PLCB1: variants seen among roughly 807,000 people sequenced by gnomAD.
PLCB1 encodes phospholipase C beta 1.
In PLCB1, 46 loss-of-function variants were observed where a neutral mutation model predicts 161.8. The ratio of observed to expected loss-of-function variants is 0.28; its 90% CI spans 0.22 to 0.36. PLCB1 has a LOEUF of 0.36. Ranked by LOEUF, PLCB1 falls within the 10% of genes least tolerant of loss-of-function variation. The probability of loss-of-function intolerance (pLI) is 1.00; values close to 1 mark genes in which losing one functional copy is unlikely to be tolerated. For missense variants in PLCB1, 1,016 were observed against 1,472.5 expected (o/e 0.69, Z 5.07); for synonymous variants, 517 against 503.7 (o/e 1.03, Z -0.35).
At chr20:8,262,055 T>TTTTG (rs1049894513) in intron 2 of PLCB1, among the ~76,000 whole-genome samples, 34 of 152,018 alleles carry the variant, frequency 2.2e-4, no homozygotes, top group Non-Finnish European at 3.2e-4. Context: ...TTATGTGCGT[T>TTTTG]TTTGTTTGTT....
At chr20:8,378,330 C>A (rs1226799339) in intron 3 of PLCB1, among the ~76,000 whole-genome samples, 1 of 152,096 alleles carries the variant, frequency 6.6e-6, no homozygotes, top group African/African-American at 2.4e-5. Context: ...AGATTTGGTT[C>A]CGGAACAACA....
intron 3 of PLCB1, among the ~76,000 whole-genome samples, chr20:8,510,653 A>G (rs1359370315): frequency 6.6e-6 from 1 of 152,120 alleles, no homozygotes; most frequent in South Asian, 2.1e-4. Context: ...GGCCTCCCAA[A>G]GTGCTGGGAT....
At chr20:8,513,610 T>C (rs1983985672) in intron 3 of PLCB1, among the ~76,000 whole-genome samples, 1 of 152,194 alleles carries the variant, frequency 6.6e-6, no homozygotes, top group Non-Finnish European at 1.5e-5. Flanking sequence ...CCCCTGCCAG[T>C]TGCTATGAGA....
chr20:8,250,298 A>G (rs1000617657), intron 2 of PLCB1, among the ~76,000 whole-genome samples: 92 of 151,970 alleles, frequency 6.1e-4, no homozygotes, highest in African/African-American at 2.0e-3. Flanking sequence ...CCCATTTAAT[A>G]CTTTTCAATT....
intron 13 of PLCB1, among the ~76,000 whole-genome samples, chr20:8,717,210 G>C (rs1002328979): frequency 6.6e-6 from 1 of 152,104 alleles, no homozygotes; most frequent in Admixed American, 6.5e-5. Context: ...ACCAGGATGG[G>C]GATTTTGCTG....
chr20:8,800,438 G>GTC (rs1203604087), intron 31 of PLCB1, among the ~76,000 whole-genome samples: 1 of 140,250 alleles, frequency 7.1e-6, no homozygotes, highest in African/African-American at 2.7e-5. Context: ...ATTTTAAAGA[G>GTC]TCACACACAC....
chr20:8,760,991 C>T (rs1323633915), intron 25 of PLCB1, among the ~76,000 whole-genome samples: 2 of 152,100 alleles, frequency 1.3e-5, no homozygotes, highest in African/African-American at 4.8e-5. Flanking sequence ...GTTCAATATA[C>T]AACAGAAATG....
At chr20:8,285,442 G>C (rs1175451996) in intron 2 of PLCB1, among the ~76,000 whole-genome samples, 1 of 152,008 alleles carries the variant, frequency 6.6e-6, no homozygotes, top group African/African-American at 2.4e-5. Flanking sequence ...CTAGATTCTA[G>C]TATATTTTCA....
At chr20:8,450,180 T>C (rs916532827) in intron 3 of PLCB1, among the ~76,000 whole-genome samples, 10 of 152,220 alleles carry the variant, frequency 6.6e-5, no homozygotes, top group Admixed American at 3.3e-4. Context: ...AGTGCTCTGC[T>C]ATTAATTTCC....
rs1299839824 is a variant in PLCB1 at position 8,628,497 on chromosome 20, G to A, written c.384+66G>A. ...TGAATCCTTGAGCTATCATACTAAT[G>A]CCTGCAAAAGACTGAATTTTTGTCA... is the stretch of plus-strand genomic sequence containing the variant. On this transcript the variant is annotated intron_variant, in intron 4 of 31. Transcript: ENST00000338037. 4 of 1,510,222 alleles carry A rather than the reference G, an allele frequency of 2.6e-6. No homozygotes were observed. The African/African-American group carries it at 4.2e-5, about 16-fold the overall frequency. The allele number at this position is 1,510,222 out of a possible 1,614,324, so 93.6% of individuals were successfully genotyped here. A position where few individuals can be genotyped will look rare whatever the true frequency, so the allele number is the denominator to read the frequency against.
intron 2 of PLCB1, among the ~76,000 whole-genome samples, chr20:8,173,942 T>C (rs1212131208): frequency 1.3e-5 from 2 of 152,124 alleles, no homozygotes; most frequent in Non-Finnish European, 2.9e-5. Flanking sequence ...ATGTACTCAA[T>C]CTGAACAACA....
intron 2 of PLCB1, among the ~76,000 whole-genome samples, chr20:8,201,269 A>G (rs963231384): frequency 2.6e-5 from 4 of 152,074 alleles, no homozygotes; most frequent in African/African-American, 9.7e-5. Context: ...CCCTCCAGCA[A>G]TAGTATAAAA....
intron 3 of PLCB1, among the ~76,000 whole-genome samples, chr20:8,534,294 A>G (rs1425052291): frequency 6.6e-6 from 1 of 152,136 alleles, no homozygotes; most frequent in Non-Finnish European, 1.5e-5. Flanking sequence ...CTCCCACCTC[A>G]GCCTCCCAAA....
intron 3 of PLCB1, among the ~76,000 whole-genome samples, chr20:8,568,754 T>A (rs1195358364): frequency 2.6e-5 from 4 of 152,144 alleles, no homozygotes; most frequent in Non-Finnish European, 5.9e-5. Flanking sequence ...TAAATCTCAT[T>A]TGATGGCTCT....
In PLCB1 at chr20:8,132,671, G is replaced by A. The variant is rs1243067766; in HGVS notation, c.20G>A (p.Gly7Glu). MAGAQP[G>E]VHALQLKPVC... ...GCCCAGATGGCCGGGGCTCAACCCG[G>A]AGTGCACGCCTTGCAACTCAAGCCC... The change falls in exon 1 of 32, where the codon GGA becomes GAA. Residue 7 changes from glycine to glutamate, a missense_variant. Coordinates refer to ENST00000338037, the MANE Select transcript of PLCB1 (RefSeq NM_015192.4). The surrounding 1 kb of genome is among the most constrained non-coding windows in gnomAD (Gnocchi z 5.2). The A allele has an allele frequency of 6.2e-7, 1 of 1,612,204 alleles. No homozygotes were observed.
intron 2 of PLCB1, among the ~76,000 whole-genome samples, chr20:8,355,855 G>A (rs2719767): frequency 0.04 from 6,015 of 152,200 alleles, 149 homozygotes; most frequent in South Asian, 0.052. Flanking sequence ...GCAACAAAAA[G>A]TATTTATAAA....
chr20:8,191,772 A>T (rs2051973372), intron 2 of PLCB1, among the ~76,000 whole-genome samples: 1 of 152,066 alleles, frequency 6.6e-6, no homozygotes, highest in Non-Finnish European at 1.5e-5. Flanking sequence ...ATCCAAATAC[A>T]TATTAGATGA....
chr20:8,522,536 C>T (rs1398016791), intron 3 of PLCB1, among the ~76,000 whole-genome samples: 2 of 152,078 alleles, frequency 1.3e-5, no homozygotes, highest in Admixed American at 6.6e-5. Context: ...CGTGGTCAAG[C>T]AGAATGCAAC....
intron 21 of PLCB1, 140 bp downstream of exon 21, chr20:8,739,500 T>G: frequency 1.6e-6 from 1 of 623,988 alleles, no homozygotes; most frequent in East Asian, 2.7e-5. Context: ...GAGATTTAGT[T>G]ACATGTTTTT....
Sources: allele counts gnomAD v4.1 joint callset (sites outside exome capture counted in the v4.1 genomes callset), GRCh38; gene constraint gnomAD v4.1.1; non-coding constraint Gnocchi (gnomAD v3.1); transcripts MANE v1.5; gene names NCBI Gene and HGNC (gene_info 2026-07-23, HGNC 2026-07-21).